CCDC138: variants seen among roughly 807,000 people sequenced by gnomAD.
CCDC138 encodes coiled-coil domain containing 138.
CCDC138 carries 66 observed loss-of-function variants against 82.3 expected under a neutral mutation model. The ratio of observed to expected loss-of-function variants is 0.80; its 90% CI spans 0.66 to 0.98. CCDC138 has a LOEUF of 0.98. Among genes scored for constraint, CCDC138 ranks in the 50% least tolerant of loss-of-function variants. The probability of loss-of-function intolerance (pLI) is 0.00; values close to 1 mark genes in which losing one functional copy is unlikely to be tolerated. For synonymous variants in CCDC138, 297 were observed against 265.4 expected (o/e 1.12, Z -1.16); for missense variants, 816 against 758.9 (o/e 1.08, Z -0.88).
intron 10 of CCDC138, among the ~76,000 whole-genome samples, chr2:108,836,053 T>C (rs1688525001): frequency 6.6e-6 from 1 of 152,184 alleles, no homozygotes; most frequent in African/African-American, 2.4e-5. Context: ...ACGTAAACAC[T>C]TCCCAGTAGA....
chr2:108,873,473 A>G lies in CCDC138; in HGVS notation c.1716A>G (p.Glu572=), dbSNP rs1695576580. Residue 572 remains glutamate, a synonymous_variant, in exon 14 of 15, where the codon GAA becomes GAG. Coordinates refer to ENST00000295124, the MANE Select transcript of CCDC138 (RefSeq NM_144978.3). ...VESKSLQPFL[E]ACSNSLFFRT... is the part of the protein sequence containing the mutation. ...CAGAATCCTTGCAGCCTTTCCTGGA[A>G]GCCTGTAGCAACTCTTTATTTTTTC... The G allele has an allele frequency of 6.2e-7, 1 of 1,601,730 alleles. No individual in the cohort carries two copies. Among genetic ancestry groups the G allele is most frequent in the Non-Finnish European group, 8.5e-7 (1 of 1,174,784 alleles).
intron 11 of CCDC138, among the ~76,000 whole-genome samples, chr2:108,842,854 G>A (rs772479427): frequency 2.0e-5 from 3 of 152,162 alleles, no homozygotes; most frequent in Admixed American, 6.5e-5. Context: ...ACATTATGTA[G>A]AACTTATTCA....
rs772174684 is a variant in CCDC138 at position 108,812,827 on chromosome 2, AC to A, written c.942del (p.Tyr314Ter). ...GCATATATACTGTTGCAGAGGAAGT[AC>A]GAGTTTATGACAATACAGAGATTGA... ...QARLDNLQRKYEFMTIQRLKG... is the reference protein window; with the variant it reads ...QARLDNLQRKXEFMTIQRLKG... On this transcript the variant is annotated frameshift_variant, in exon 9 of 15. Coordinates refer to ENST00000295124, the MANE Select transcript of CCDC138 (RefSeq NM_144978.3). LOFTEE classifies it high-confidence loss of function. The A allele has an allele frequency of 1.9e-6, 3 of 1,612,976 alleles. No individual in the cohort carries two copies. Among genetic ancestry groups the A allele is most frequent in the Non-Finnish European group, 1.7e-6 (2 of 1,179,164 alleles).
chr2:108,848,484 G>A (rs1690874535), intron 12 of CCDC138, among the ~76,000 whole-genome samples: 1 of 152,210 alleles, frequency 6.6e-6, no homozygotes, highest in South Asian at 2.1e-4. Context: ...GGATGAATAG[G>A]TTGATGAAGA....
At position 108,791,751 on chromosome 2, in the gene CCDC138, A is replaced by G. The variant is rs759945352; in HGVS notation, c.343A>G (p.Arg115Gly). 1 of 1,605,780 alleles carries G rather than the reference A, an allele frequency of 6.2e-7. No individual in the cohort carries two copies. Among genetic ancestry groups the G allele is most frequent in the East Asian group, 2.2e-5 (1 of 44,650 alleles). Residue 115 changes from arginine (R) to glycine (G), a missense_variant, in exon 4 of 15, where the codon AGA becomes GGA. By Grantham distance (125) the Arg-to-Gly change is moderately radical (BLOSUM62 -2). Coordinates refer to ENST00000295124, the MANE Select transcript of CCDC138 (RefSeq NM_144978.3). Reference sequence around the variant, plus strand: ...AGAAGAGTTAATTGAAAATGATTATAGAGTTAGTACCTCGAAAATAACCAA... The same window carrying G: ...AGAAGAGTTAATTGAAAATGATTATGGAGTTAGTACCTCGAAAATAACCAA... ...TEEELIENDY[R>G]VSTSKITKQS...
intron 1 of CCDC138, chr2:108,882,551 G>C (rs1038300366): frequency 6.6e-6 from 1 of 152,168 alleles, no homozygotes; most frequent in African/African-American, 2.4e-5. Context: ...TCATTCTCTT[G>C]TTTGCCTGTT....
At chr2:108,787,005 A>G (rs1055302384) in intron 1 of CCDC138, 90 bp downstream of exon 1, 1 of 864,306 alleles carries the variant, frequency 1.2e-6, no homozygotes, top group Non-Finnish European at 1.6e-6. Flanking sequence ...GGGGGCGCGC[A>G]GCGGCTCTGG....
intron 13 of CCDC138, among the ~76,000 whole-genome samples, chr2:108,858,581 C>T (rs547781469): frequency 7.2e-5 from 11 of 152,116 alleles, no homozygotes; most frequent in Admixed American, 1.3e-4. Context: ...TTTATTAGAG[C>T]GAGGAAAGAT....
intron 7 of CCDC138, among the ~76,000 whole-genome samples, chr2:108,811,702 T>C (rs2149818123): frequency 6.6e-6 from 1 of 152,302 alleles, no homozygotes; most frequent in East Asian, 1.9e-4. Flanking sequence ...GCTTCTAAAA[T>C]GTACTCTTCA....
intron 7 of CCDC138, among the ~76,000 whole-genome samples, chr2:108,812,383 G>A (rs1482929087): frequency 1.3e-5 from 2 of 152,118 alleles, no homozygotes; most frequent in Non-Finnish European, 1.5e-5. Flanking sequence ...TAAAATATAT[G>A]TATATGCTTT....
At chr2:108,844,790 C>T (rs887014704) in intron 11 of CCDC138, among the ~76,000 whole-genome samples, 1 of 150,068 alleles carries the variant, frequency 6.7e-6, no homozygotes, top group African/African-American at 2.5e-5. Flanking sequence ...CTCTGTCATC[C>T]AGGCTGGAGA....
chr2:108,874,837 A>C (rs1214148254), intron 14 of CCDC138, among the ~76,000 whole-genome samples: 1 of 152,100 alleles, frequency 6.6e-6, no homozygotes, highest in Non-Finnish European at 1.5e-5. Flanking sequence ...ATTCCTAGTA[A>C]GGCCTATTGC....
At chr2:108,787,908 AG>A in intron 1 of CCDC138, 123 bp from the exon 2 acceptor site, 1 of 815,440 alleles carries the variant, frequency 1.2e-6, no homozygotes, top group Non-Finnish European at 1.9e-6. Flanking sequence ...CACTTGGTTA[AG>A]ATGGTGTCTA....
chr2:108,824,739 CT>C (rs1215260869), intron 10 of CCDC138, among the ~76,000 whole-genome samples: 44 of 152,042 alleles, frequency 2.9e-4, no homozygotes, highest in African/African-American at 1.0e-3. Flanking sequence ...ATGTGTTATA[CT>C]TTTATTCTAC....
chr2:108,872,324 T>C (rs1218898757), intron 13 of CCDC138, among the ~76,000 whole-genome samples: 2 of 152,110 alleles, frequency 1.3e-5, no homozygotes, highest in Admixed American at 1.3e-4. Flanking sequence ...TACCCCAAAA[T>C]TCTTAACTCG....
chr2:108,850,770 C>T (rs539448901), intron 12 of CCDC138, among the ~76,000 whole-genome samples: 6 of 152,226 alleles, frequency 3.9e-5, no homozygotes, highest in South Asian at 4.1e-4. Flanking sequence ...GTTTTGACAC[C>T]ACAGTGCTGT....
At chr2:108,869,483 A>G (rs2105114755) in intron 13 of CCDC138, among the ~76,000 whole-genome samples, 1 of 152,256 alleles carries the variant, frequency 6.6e-6, no homozygotes, top group East Asian at 1.9e-4. Context: ...GGAATGCGGC[A>G]TGGTTTGAAT....
At chr2:108,864,209 C>G (rs1424435291) in intron 13 of CCDC138, among the ~76,000 whole-genome samples, 1 of 151,732 alleles carries the variant, frequency 6.6e-6, no homozygotes, top group Non-Finnish European at 1.5e-5. Flanking sequence ...AAAATCTAAC[C>G]CACCAATTAG....
intron 10 of CCDC138, among the ~76,000 whole-genome samples, chr2:108,818,902 G>A (rs1344182423): frequency 1.3e-5 from 2 of 151,762 alleles, no homozygotes; most frequent in Non-Finnish European, 1.5e-5. Flanking sequence ...AAGCCATTGA[G>A]GAGTAAATTT....
Sources: gnomAD v4.1 joint callset for allele counts (sites outside exome capture counted in the v4.1 genomes callset) on GRCh38, gnomAD v4.1.1 for gene constraint, MANE v1.5 for transcripts, NCBI Gene and HGNC (gene_info 2026-07-23, HGNC 2026-07-21) for gene names.